Variants in GLIS3 observed in about 807,000 individuals in gnomAD.
GLIS3 encodes zinc finger protein GLIS3.
Under a neutral mutation model 78.6 loss-of-function variants are expected in GLIS3, and 53 were observed. That is an observed-to-expected ratio of 0.67 (90% CI 0.54 to 0.85). The LOEUF (loss-of-function observed/expected upper bound fraction) is 0.85, where lower values mean the gene tolerates loss of function less well. Ranked by LOEUF, GLIS3 falls within the 40% of genes least tolerant of loss-of-function variation. The probability of loss-of-function intolerance (pLI) is 0.00; values close to 1 mark genes in which losing one functional copy is unlikely to be tolerated. For missense variants in GLIS3, 1,703 were observed against 1,231.1 expected, an observed-to-expected ratio of 1.38 and a Z score of -5.74; for synonymous variants, 684 against 509.9, an observed-to-expected ratio of 1.34 and a Z score of -4.60.
chr9:3,928,860 G>A (rs1362575874), intron 6 of GLIS3, among the ~76,000 whole-genome samples: 1 of 152,176 alleles, frequency 6.6e-6, no homozygotes, highest in South Asian at 2.1e-4. Context: ...TGAAATGGAT[G>A]AAAGATTCAT....
At chr9:4,369,073 A>G in the GLIS3 span, among the ~76,000 whole-genome samples, 1 of 152,160 alleles carries the variant, frequency 6.6e-6, no homozygotes, top group Non-Finnish European at 1.5e-5. Context: ...TAATCAGACC[A>G]CAAGTACTTA....
intron 2 of GLIS3, among the ~76,000 whole-genome samples, chr9:4,215,085 A>G (rs1444917625): frequency 1.3e-5 from 2 of 152,328 alleles, no homozygotes; most frequent in African/African-American, 4.8e-5. Flanking sequence ...AGATTCACAA[A>G]GAGTGGAGCA....
chr9:3,958,190 A>G (rs1486268774), intron 4 of GLIS3, among the ~76,000 whole-genome samples: 1 of 152,200 alleles, frequency 6.6e-6, no homozygotes, highest in Admixed American at 6.5e-5. Context: ...CAACTGCACA[A>G]TTCAGAGTTT....
At chr9:4,488,638 G>T in the GLIS3 span, among the ~76,000 whole-genome samples, 1 of 151,962 alleles carries the variant, frequency 6.6e-6, no homozygotes, top group Non-Finnish European at 1.5e-5. Context: ...TCCTGTCTCA[G>T]CCTCCCGAAT....
At chr9:4,117,682 C>A in intron 4 of GLIS3, 86 bp downstream of exon 4, 1 of 1,517,856 alleles carries the variant, frequency 6.6e-7, no homozygotes, top group South Asian at 1.1e-5. Context: ...CATGCAAACT[C>A]CATGGGCCGA....
At chr9:3,841,303 A>C (rs1170793202) in intron 9 of GLIS3, among the ~76,000 whole-genome samples, 1 of 152,202 alleles carries the variant, frequency 6.6e-6, no homozygotes, top group Non-Finnish European at 1.5e-5. Context: ...GATGGTGATA[A>C]TGCACATTTG....
intron 7 of GLIS3, among the ~76,000 whole-genome samples, chr9:3,897,143 T>C (rs1357664964): frequency 6.6e-6 from 1 of 152,170 alleles, no homozygotes. Flanking sequence ...ATGGATAGCA[T>C]TGCTTCCCAA....
chr9:4,065,875 A>T (rs1002439502), intron 4 of GLIS3, among the ~76,000 whole-genome samples: 1 of 152,192 alleles, frequency 6.6e-6, no homozygotes, highest in Non-Finnish European at 1.5e-5. Flanking sequence ...CAAAGGAAAT[A>T]CAGGCTAAGA....
At chr9:4,393,680 T>C in the GLIS3 span, among the ~76,000 whole-genome samples, 372 of 152,324 alleles carry the variant, frequency 2.4e-3, no homozygotes, top group African/African-American at 8.3e-3. Context: ...GGCTGATGTT[T>C]CCTTGTGATT....
At chr9:3,831,663 C>A (rs998089331) in intron 9 of GLIS3, among the ~76,000 whole-genome samples, 7 of 152,170 alleles carry the variant, frequency 4.6e-5, no homozygotes, top group Admixed American at 3.9e-4. Context: ...AGAAATTCTG[C>A]ACAGGGACAG....
the GLIS3 span, among the ~76,000 whole-genome samples, chr9:4,470,899 A>G: frequency 6.6e-6 from 1 of 152,114 alleles, no homozygotes; most frequent in Non-Finnish European, 1.5e-5. Flanking sequence ...AAGCAACTTC[A>G]GCAAAGTCTC....
the GLIS3 span, among the ~76,000 whole-genome samples, chr9:4,485,050 C>T: frequency 0.24 from 35,805 of 150,876 alleles, 5,213 homozygotes; most frequent in East Asian, 0.56. Context: ...GTTTCACTCC[C>T]GTCGACCAGG....
rs1259478198 is a variant in GLIS3, at chr9:3,932,347, CT to C, written c.1983+12del. 6.3e-7 allele frequency: 1 copy of C among 1,590,900 alleles called. No individual in the cohort carries two copies. Among genetic ancestry groups the C allele is most frequent in the Non-Finnish European group, 8.6e-7 (1 of 1,159,368 alleles). ...ATGCTTTTCCCGACTGGAAGATTCT[CT>C]TTTAAAATTACCTTTTTCCTTGCTT... On this transcript the variant is annotated intron_variant, in intron 6 of 10. Coordinates refer to ENST00000381971, the MANE Select transcript of GLIS3 (RefSeq NM_001042413.2).
chr9:3,946,833 G>A (rs1393075014), intron 4 of GLIS3, among the ~76,000 whole-genome samples: 1 of 152,178 alleles, frequency 6.6e-6, no homozygotes, highest in African/African-American at 2.4e-5. Context: ...CCCTTTAAAA[G>A]CTGAGCTAAT....
chr9:4,034,439 G>C (rs1300957302), intron 4 of GLIS3: 1 of 152,166 alleles, frequency 6.6e-6, no homozygotes, highest in Non-Finnish European at 1.5e-5. Flanking sequence ...GTTCAGAGCA[G>C]GGATATGTTA....
intron 4 of GLIS3, among the ~76,000 whole-genome samples, chr9:3,942,204 G>A (rs1429328585): frequency 1.3e-5 from 2 of 152,118 alleles, no homozygotes; most frequent in Non-Finnish European, 2.9e-5. Flanking sequence ...AAACAGAAAG[G>A]AGTCTATGAT....
chr9:4,024,962 C>G (rs1302475128), intron 4 of GLIS3, among the ~76,000 whole-genome samples: 2 of 152,112 alleles, frequency 1.3e-5, no homozygotes, highest in Non-Finnish European at 2.9e-5. Flanking sequence ...ATAGAACATA[C>G]TCAAGGCTAG....
At chr9:4,114,337 G>GT (rs1831459768) in intron 4 of GLIS3, among the ~76,000 whole-genome samples, 1 of 152,150 alleles carries the variant, frequency 6.6e-6, no homozygotes, top group African/African-American at 2.4e-5. Flanking sequence ...TATGGATATT[G>GT]TTAGGGATGA....
intron 2 of GLIS3, among the ~76,000 whole-genome samples, chr9:4,135,545 T>C (rs536785919): frequency 1.3e-5 from 2 of 152,186 alleles, no homozygotes; most frequent in Non-Finnish European, 2.9e-5. Context: ...CTCTAAACTC[T>C]TACTGCTACT....
Sources: gnomAD v4.1 joint callset for allele counts (sites outside exome capture counted in the v4.1 genomes callset) on GRCh38, gnomAD v4.1.1 for gene constraint, MANE v1.5 for transcripts, NCBI Gene and HGNC (gene_info 2026-07-23, HGNC 2026-07-21) for gene names.